The following TDRD3 variants were observed in gnomAD, a reference collection of about 807,000 sequenced individuals.
The protein encoded by TDRD3 is tudor domain containing 3.
A neutral mutation model predicts 86.7 loss-of-function variants in TDRD3; 45 were observed. That is an observed-to-expected ratio of 0.52 (90% CI 0.41 to 0.67). The LOEUF is 0.67. Ranked by LOEUF, TDRD3 falls within the 30% of genes least tolerant of loss-of-function variation. The pLI, the probability that TDRD3 is intolerant of heterozygous loss-of-function variation, is 0.00. For synonymous variants in TDRD3, 298 were observed against 301.7 expected (o/e 0.99, Z 0.13); for missense variants, 814 against 889.0 (o/e 0.92, Z 1.07).
chr13:60,484,183 T>C (rs2137504565), intron 6 of TDRD3, among the ~76,000 whole-genome samples: 1 of 152,158 alleles, frequency 6.6e-6, no homozygotes, highest in Admixed American at 6.5e-5. Context: ...CACTTGTTCA[T>C]TAAAAACATT....
At chr13:60,479,066 C>G (rs774995771) in intron 5 of TDRD3, among the ~76,000 whole-genome samples, 1 of 152,094 alleles carries the variant, frequency 6.6e-6, no homozygotes, top group Non-Finnish European at 1.5e-5. Context: ...CTTGGCCTCT[C>G]AAAGAGCTGG....
At chr13:60,501,116 G>C (rs1956821844) in intron 8 of TDRD3, among the ~76,000 whole-genome samples, 1 of 152,184 alleles carries the variant, frequency 6.6e-6, no homozygotes, top group South Asian at 2.1e-4. Flanking sequence ...AAAGGGCAGA[G>C]GTTTGTTCTC....
chr13:60,433,446 A>G (rs1255787409), intron 1 of TDRD3, among the ~76,000 whole-genome samples: 3 of 152,218 alleles, frequency 2.0e-5, no homozygotes, highest in Non-Finnish European at 4.4e-5. Flanking sequence ...CATTTGTTAC[A>G]GGCATAATTG....
intron 10 of TDRD3, among the ~76,000 whole-genome samples, chr13:60,525,163 A>ATT (rs1233761938): frequency 1.1e-4 from 13 of 123,282 alleles, no homozygotes; most frequent in African/African-American, 1.5e-4. Context: ...TATTAAGGGA[A>ATT]TTCTTTTTTT....
intron 11 of TDRD3, among the ~76,000 whole-genome samples, chr13:60,531,254 G>A (rs1385382177): frequency 6.6e-6 from 1 of 152,198 alleles, no homozygotes; most frequent in African/African-American, 2.4e-5. Flanking sequence ...GATGCAGGTG[G>A]TCTTCACTAT....
intron 1 of TDRD3, among the ~76,000 whole-genome samples, chr13:60,415,302 T>C (rs1954476201): frequency 6.6e-6 from 1 of 152,148 alleles, no homozygotes; most frequent in Non-Finnish European, 1.5e-5. Context: ...GACATTCATA[T>C]CAACCGGGAT....
intron 8 of TDRD3, chr13:60,509,508 C>A (rs1371629892): frequency 7.3e-6 from 3 of 411,836 alleles, no homozygotes; most frequent in Admixed American, 4.0e-5. Flanking sequence ...TCTAACATAT[C>A]ATAAAATTTA....
chr13:60,564,811 A>T (rs919613782), intron 12 of TDRD3, among the ~76,000 whole-genome samples: 79 of 152,340 alleles, frequency 5.2e-4, no homozygotes, highest in African/African-American at 1.8e-3. Context: ...TATAAATTTC[A>T]TTCAAAGATG....
chr13:60,494,973 A>G (rs987635254), intron 8 of TDRD3, among the ~76,000 whole-genome samples: 2 of 152,222 alleles, frequency 1.3e-5, no homozygotes, highest in African/African-American at 4.8e-5. Context: ...CATATGTATT[A>G]TGTGGACCCA....
intron 10 of TDRD3, among the ~76,000 whole-genome samples, chr13:60,517,168 TTTTGGC>T (rs1424833406): frequency 1.3e-5 from 2 of 151,138 alleles, no homozygotes; most frequent in East Asian, 3.9e-4. Flanking sequence ...GAAGGTGTCT[TTTTGGC>T]TTTGTTTTTG....
At chr13:60,459,779 C>T (rs144068148) in intron 3 of TDRD3, among the ~76,000 whole-genome samples, 3,919 of 152,254 alleles carry the variant, frequency 0.026, 73 homozygotes, top group Admixed American at 0.037. Context: ...TGCCACCATA[C>T]CCAGCTAATT....
At chr13:60,408,130 CA>C (rs1328654050) in intron 1 of TDRD3, among the ~76,000 whole-genome samples, 1 of 151,800 alleles carries the variant, frequency 6.6e-6, no homozygotes, top group Non-Finnish European at 1.5e-5. Flanking sequence ...ATGGGTTTAT[CA>C]GGGGTTTCCA....
intron 3 of TDRD3, among the ~76,000 whole-genome samples, chr13:60,454,119 G>A (rs1251923657): frequency 2.7e-5 from 4 of 150,910 alleles, no homozygotes; most frequent in Non-Finnish European, 2.9e-5. Context: ...TCCCTATTTT[G>A]ATTACAGAAT....
intron 1 of TDRD3, among the ~76,000 whole-genome samples, chr13:60,405,561 G>A (rs1954215406): frequency 2.6e-5 from 4 of 152,074 alleles, no homozygotes; most frequent in Admixed American, 1.3e-4. Context: ...AGTGAGGGGA[G>A]CACAGCATCT....
rs758899274 is a variant in TDRD3 at position 60,568,413 on chromosome 13, G to T, written c.*9+763G>T. On this transcript the variant is annotated intron_variant, in intron 13 of 13. Transcript: ENST00000377881. ...CTTGACTCTAGGTATTTTTCTTACGGCATGGAATAACTGGTTTGTCATTTA... is the reference window on the plus strand; with the variant it reads ...CTTGACTCTAGGTATTTTTCTTACGTCATGGAATAACTGGTTTGTCATTTA... Among the ~76,000 whole-genome samples, 40 of 152,156 alleles carry T rather than the reference G, an allele frequency of 2.6e-4. 1 individual carries two copies. The highest frequency in any genetic ancestry group is 5.3e-4 in the Non-Finnish European group (36 of 68,026).
chr13:60,448,636 T>G (rs541690296), intron 3 of TDRD3, among the ~76,000 whole-genome samples: 1 of 152,106 alleles, frequency 6.6e-6, no homozygotes, highest in Admixed American at 6.6e-5. Flanking sequence ...AAATTGTGAC[T>G]GGAAGGAAGT....
intron 10 of TDRD3, among the ~76,000 whole-genome samples, chr13:60,511,307 G>T (rs1218586098): frequency 6.6e-6 from 1 of 152,082 alleles, no homozygotes; most frequent in African/African-American, 2.4e-5. Context: ...AAAAGTTAAG[G>T]AAATATACTT....
intron 5 of TDRD3, among the ~76,000 whole-genome samples, chr13:60,468,583 G>C (rs142217780): frequency 6.6e-6 from 1 of 152,130 alleles, no homozygotes; most frequent in Non-Finnish European, 1.5e-5. Context: ...GTTGAACAAT[G>C]TGTAGATACT....
At chr13:60,504,529 C>T (rs1956895230) in intron 8 of TDRD3, among the ~76,000 whole-genome samples, 1 of 152,232 alleles carries the variant, frequency 6.6e-6, no homozygotes, top group Non-Finnish European at 1.5e-5. Context: ...ATTTTGATGA[C>T]ACTTGCATTT....
Sources: gnomAD v4.1 joint callset for allele counts (sites outside exome capture counted in the v4.1 genomes callset) on GRCh38, gnomAD v4.1.1 for gene constraint, MANE v1.5 for transcripts, NCBI Gene and HGNC (gene_info 2026-07-23, HGNC 2026-07-21) for gene names.